The following CAMKMT variants were observed in gnomAD, a reference collection of about 807,000 sequenced individuals.
CAMKMT encodes the protein CaM KMT.
In CAMKMT, 53 loss-of-function variants were observed where a neutral mutation model predicts 48.0. That is an observed-to-expected ratio of 1.10 (90% CI 0.89 to 1.39). CAMKMT has a LOEUF of 1.39. CAMKMT is among the 40% of genes most tolerant of loss of function. CAMKMT has a pLI of 0.00. For missense variants in CAMKMT, 428 were observed against 402.7 expected (o/e 1.06, Z -0.54); for synonymous variants, 165 against 152.3 (o/e 1.08, Z -0.61).
chr2:44,402,121 G>A (rs1031751651), intron 3 of CAMKMT, among the ~76,000 whole-genome samples: 8 of 152,112 alleles, frequency 5.3e-5, no homozygotes, highest in Admixed American at 1.3e-4. Context: ...GAGGTTGGGC[G>A]TTCGAGACCA....
chr2:44,432,458 G>A (rs1326790235), intron 3 of CAMKMT, among the ~76,000 whole-genome samples: 2 of 152,168 alleles, frequency 1.3e-5, no homozygotes, highest in African/African-American at 2.4e-5. Flanking sequence ...CAATGCCCCT[G>A]GGTCTCAGAA....
chr2:44,685,281 C>T (rs561010513), intron 3 of CAMKMT, among the ~76,000 whole-genome samples: 8 of 151,838 alleles, frequency 5.3e-5, no homozygotes, highest in African/African-American at 7.3e-5. Context: ...CTAAAACAGA[C>T]GTGAGGATGA....
intron 3 of CAMKMT, among the ~76,000 whole-genome samples, chr2:44,491,511 A>G (rs934969484): frequency 6.6e-6 from 1 of 152,220 alleles, no homozygotes; most frequent in African/African-American, 2.4e-5. Context: ...CAGGGTTACA[A>G]AAATTTTGGA....
chr2:44,702,692 C>A (rs1677320429), intron 3 of CAMKMT, among the ~76,000 whole-genome samples: 1 of 152,188 alleles, frequency 6.6e-6, no homozygotes, highest in South Asian at 2.1e-4. Context: ...AAATATGACT[C>A]CAAACACTTC....
chr2:44,484,413 A>T (rs2104692140), intron 3 of CAMKMT, among the ~76,000 whole-genome samples: 1 of 152,202 alleles, frequency 6.6e-6, no homozygotes, highest in Admixed American at 6.5e-5. Context: ...GAGTCCAAAA[A>T]TATACCCACA....
At chr2:44,754,872 C>T (rs1224968894) in intron 9 of CAMKMT, among the ~76,000 whole-genome samples, 1 of 150,980 alleles carries the variant, frequency 6.6e-6, no homozygotes, top group Admixed American at 6.6e-5. Context: ...AACCTTATAA[C>T]TATGTAAGAC....
At chr2:44,399,625 G>GA (rs376930888) in intron 3 of CAMKMT, among the ~76,000 whole-genome samples, 30 of 138,892 alleles carry the variant, frequency 2.2e-4, no homozygotes, top group South Asian at 2.3e-4. Flanking sequence ...AAATAATCAA[G>GA]AAAAAAAAAA....
At chr2:44,410,132 T>C (rs1308784184) in intron 3 of CAMKMT, among the ~76,000 whole-genome samples, 2 of 146,806 alleles carry the variant, frequency 1.4e-5, no homozygotes, top group Non-Finnish European at 3.0e-5. Flanking sequence ...TTTTCAGCAG[T>C]TTCTTACCAT....
At chr2:44,401,504 C>T (rs1306576888) in intron 3 of CAMKMT, among the ~76,000 whole-genome samples, 1 of 151,894 alleles carries the variant, frequency 6.6e-6, no homozygotes, top group African/African-American at 2.4e-5. Context: ...TTGCAGTGAG[C>T]TGAGATTGTG....
chr2:44,615,946 C>G (rs1318241222), intron 3 of CAMKMT, among the ~76,000 whole-genome samples: 1 of 152,156 alleles, frequency 6.6e-6, no homozygotes, highest in East Asian at 1.9e-4. Flanking sequence ...ATGCTGAAAA[C>G]TGAATTACAG....
rs192730505 is a variant in CAMKMT, at chr2:44,651,252, G to T, written c.377-53031G>T. Among the ~76,000 whole-genome samples the T allele has an allele frequency of 1.1e-3, 167 of 152,330 alleles. 1 individual carries two copies. The highest frequency in any genetic ancestry group is 3.9e-3 in the African/African-American group (163 of 41,584). ...TAATTGCAGAACCATTTGTAATAAA[G>T]TGAAAACTTGGGAGCAATCTAGTTA... On this transcript the variant is annotated intron_variant, in intron 3 of 10. Transcript: ENST00000378494.
chr2:44,367,665 G>C (rs1678745592), intron 1 of CAMKMT, among the ~76,000 whole-genome samples: 1 of 152,180 alleles, frequency 6.6e-6, no homozygotes, highest in African/African-American at 2.4e-5. Context: ...GCAGATATAA[G>C]ACTAGCTGCC....
intron 3 of CAMKMT, among the ~76,000 whole-genome samples, chr2:44,613,383 C>G (rs1020363055): frequency 2.0e-5 from 3 of 152,106 alleles, no homozygotes; most frequent in African/African-American, 7.2e-5. Flanking sequence ...CTCCCTGTGA[C>G]CCAGAAAATA....
intron 3 of CAMKMT, among the ~76,000 whole-genome samples, chr2:44,631,966 A>T (rs1274682288): frequency 6.6e-6 from 1 of 152,114 alleles, no homozygotes; most frequent in Non-Finnish European, 1.5e-5. Flanking sequence ...AAGCTTTAAG[A>T]ATATACTTCC....
intron 3 of CAMKMT, among the ~76,000 whole-genome samples, chr2:44,607,292 T>TAA (rs1245225930): frequency 6.6e-6 from 1 of 152,198 alleles, no homozygotes; most frequent in Non-Finnish European, 1.5e-5. Context: ...CCAATAACAT[T>TAA]AAAATGTTTA....
chr2:44,676,967 C>T (rs1251185430), intron 3 of CAMKMT, among the ~76,000 whole-genome samples: 1 of 152,068 alleles, frequency 6.6e-6, no homozygotes, highest in Non-Finnish European at 1.5e-5. Context: ...AGGAAACAAA[C>T]CACTGTATTT....
At chr2:44,398,189 T>C (rs547482507) in intron 3 of CAMKMT, among the ~76,000 whole-genome samples, 2 of 152,316 alleles carry the variant, frequency 1.3e-5, no homozygotes, top group South Asian at 4.1e-4. Context: ...AACAAGGTAA[T>C]TTGCTTAAAG....
rs540855645 is a variant in CAMKMT at position 44,526,676 on chromosome 2, A to G, written c.376+136371A>G. Among the ~76,000 whole-genome samples, 30 of 152,224 alleles carry G rather than the reference A, an allele frequency of 2.0e-4. No individual in the cohort carries two copies. The South Asian group carries it at 2.1e-3, about 11-fold the overall frequency. On this transcript the variant is annotated intron_variant, in intron 3 of 10. Coordinates refer to ENST00000378494, the MANE Select transcript of CAMKMT (RefSeq NM_024766.5). ...TCTTTTCCCTCTGTTTGGGCCCTCA[A>G]CTGATTGGATGATGCCCACCTACAC...
chr2:44,406,372 A>G (rs892868825), intron 3 of CAMKMT, among the ~76,000 whole-genome samples: 3 of 152,122 alleles, frequency 2.0e-5, no homozygotes, highest in African/African-American at 7.2e-5. Flanking sequence ...TGGAGTTATA[A>G]TAAGTTTGAT....
Sources: gnomAD v4.1 joint callset for allele counts (sites outside exome capture counted in the v4.1 genomes callset) on GRCh38, gnomAD v4.1.1 for gene constraint, MANE v1.5 for transcripts, NCBI Gene and HGNC (gene_info 2026-07-23, HGNC 2026-07-21) for gene names.